TEX11: variants seen among roughly 807,000 people sequenced by gnomAD.
TEX11 encodes the protein testis-expressed protein 11.
A neutral mutation model predicts 84.4 loss-of-function variants in TEX11; 7 were observed. That is an observed-to-expected ratio of 0.08 (90% CI 0.05 to 0.16). The LOEUF is 0.16. TEX11 is among the 10% of genes least tolerant of loss of function. The pLI, the probability that TEX11 is intolerant of heterozygous loss-of-function variation, is 1.00. For missense variants in TEX11, 551 were observed against 660.5 expected, an observed-to-expected ratio of 0.83 and a Z score of 1.82; for synonymous variants, 264 against 222.8, an observed-to-expected ratio of 1.18 and a Z score of -1.64.
intron 3 of TEX11, among the ~76,000 whole-genome samples, chrX:70,874,952 A>G (rs1186845054): frequency 9.2e-6 from 1 of 109,200 alleles, no homozygotes; most frequent in African/African-American, 3.3e-5. Flanking sequence ...AGGCGGTCGG[A>G]TTGCCTGAGG....
At chrX:70,830,189 G>A (rs1041620680) in intron 8 of TEX11, among the ~76,000 whole-genome samples, 8 of 111,237 alleles carry the variant, frequency 7.2e-5, no homozygotes, top group Non-Finnish European at 1.3e-4. Context: ...CCATGACAAC[G>A]GAAACCACGA....
chrX:70,695,259 G>T (rs895986850), intron 13 of TEX11, among the ~76,000 whole-genome samples: 4 of 112,180 alleles, frequency 3.6e-5, no homozygotes, highest in Non-Finnish European at 7.5e-5. Context: ...TAAACAAATT[G>T]TAGGCTATCC....
intron 20 of TEX11, among the ~76,000 whole-genome samples, chrX:70,616,120 C>A (rs1382064532): frequency 9.0e-6 from 1 of 110,613 alleles, no homozygotes; most frequent in African/African-American, 3.3e-5. Flanking sequence ...TATAAATACA[C>A]AGAAAAAAAC....
intron 9 of TEX11, among the ~76,000 whole-genome samples, chrX:70,765,451 T>A (rs1396752635): frequency 9.0e-6 from 1 of 111,673 alleles, no homozygotes. Context: ...CCAAGTGTGA[T>A]CCACCCTTGG....
At chrX:70,762,207 T>C (rs972811140) in intron 9 of TEX11, among the ~76,000 whole-genome samples, 18 of 111,918 alleles carry the variant, frequency 1.6e-4, no homozygotes, top group African/African-American at 5.5e-4. Flanking sequence ...CAGTAAGTAA[T>C]CACTTGAAGA....
intron 17 of TEX11, among the ~76,000 whole-genome samples, chrX:70,641,281 A>G (rs1357123930): frequency 1.8e-5 from 2 of 111,437 alleles, no homozygotes; most frequent in Non-Finnish European, 3.8e-5. Flanking sequence ...GTCCTGAGTG[A>G]CCTACAAAGA....
chrX:70,567,675 T>C (rs928492503), intron 25 of TEX11, among the ~76,000 whole-genome samples: 2 of 111,692 alleles, frequency 1.8e-5, no homozygotes, highest in Non-Finnish European at 3.8e-5. Context: ...CAGTAGTCAT[T>C]CAGGAGCAGG....
chrX:70,777,264 G>A (rs1157081501), intron 9 of TEX11, among the ~76,000 whole-genome samples: 1 of 111,497 alleles, frequency 9.0e-6, no homozygotes, highest in Admixed American at 9.6e-5. Flanking sequence ...AAAATATGAT[G>A]TAAACTGTGA....
At chrX:70,568,682 C>T (rs1036366354) in intron 25 of TEX11, among the ~76,000 whole-genome samples, 3 of 110,997 alleles carry the variant, frequency 2.7e-5, no homozygotes, top group African/African-American at 9.8e-5. Flanking sequence ...TTTGGCTGGA[C>T]ATGAAATTCT....
chrX:70,743,672 T>A (rs750100580), intron 10 of TEX11, among the ~76,000 whole-genome samples: 15 of 110,765 alleles, frequency 1.4e-4, no homozygotes, highest in Non-Finnish European at 2.6e-4. Context: ...GGTCAGGAGT[T>A]CCAGACCAGC....
intron 16 of TEX11, among the ~76,000 whole-genome samples, chrX:70,661,909 A>G (rs2089931842): frequency 8.9e-6 from 1 of 111,829 alleles, no homozygotes; most frequent in South Asian, 3.7e-4. Context: ...AAAACCACAA[A>G]GATGGGGAAA....
intron 13 of TEX11, among the ~76,000 whole-genome samples, chrX:70,683,448 T>C (rs2090162520): frequency 9.0e-6 from 1 of 111,314 alleles, no homozygotes; most frequent in Admixed American, 9.6e-5. Flanking sequence ...TTGGGCAAGA[T>C]GGCAAAAGCC....
intron 9 of TEX11, among the ~76,000 whole-genome samples, chrX:70,751,073 C>T (rs1439703240): frequency 1.8e-4 from 18 of 102,275 alleles, no homozygotes; most frequent in Admixed American, 4.3e-4. Flanking sequence ...GACAGTGTGG[C>T]GATACCTCAA....
At chrX:70,538,967 G>A (rs1235233768) in intron 28 of TEX11, among the ~76,000 whole-genome samples, 5 of 98,217 alleles carry the variant, frequency 5.1e-5, no homozygotes, top group Admixed American at 4.9e-4. Flanking sequence ...AGAGACAAAA[G>A]ATACTGATAA....
At chrX:70,592,740 G>C (rs938522852) in intron 24 of TEX11, among the ~76,000 whole-genome samples, 1 of 111,211 alleles carries the variant, frequency 9.0e-6, no homozygotes, top group African/African-American at 3.3e-5. Context: ...CCTGCCCCTA[G>C]CTCCAAAACA....
intron 7 of TEX11, among the ~76,000 whole-genome samples, chrX:70,849,107 T>C (rs753200439): frequency 9.4e-4 from 105 of 112,246 alleles, no homozygotes; most frequent in Admixed American, 1.6e-3. Context: ...TGAGGAAAAA[T>C]AAAATGTTAA....
chrX:70,534,396 T>C (rs1415284250), intron 28 of TEX11, among the ~76,000 whole-genome samples: 2 of 111,708 alleles, frequency 1.8e-5, no homozygotes, highest in Non-Finnish European at 3.8e-5. Context: ...ACCAGAAGAA[T>C]GATGGTGTCA....
At position 70,683,918 on chromosome X, in the gene TEX11, T is replaced by TAATGGTGATAGGACAGTCCTTTCAGCA. The variant is rs962320465; in HGVS notation, c.1005-1120_1005-1094dup. Among the ~76,000 whole-genome samples the TAATGGTGATAGGACAGTCCTTTCAGCA allele has an allele frequency of 6.9e-3, 772 of 111,704 alleles. 14 individuals carry two copies. The highest frequency in any genetic ancestry group is 0.023 in the African/African-American group (703 of 30,510). ...TTGTGACAAAGGTGCCAGGACCATT[T>TAATGGTGATAGGACAGTCCTTTCAGCA]AATGGTGATAGGACAGTCCTTTCAG... On this transcript the variant is annotated intron_variant, in intron 13 of 29. Transcript: ENST00000374333.
chrX:70,902,280 T>TA (rs1242568554), intron 2 of TEX11, among the ~76,000 whole-genome samples: 14 of 110,504 alleles, frequency 1.3e-4, no homozygotes, highest in Non-Finnish European at 2.1e-4. Context: ...TTTTATAAGA[T>TA]AAAAAAAGGT....
Sources: allele counts gnomAD v4.1 joint callset (sites outside exome capture counted in the v4.1 genomes callset), GRCh38; gene constraint gnomAD v4.1.1; transcripts MANE v1.5; gene names NCBI Gene and HGNC (gene_info 2026-07-23, HGNC 2026-07-21).